The following AGXT2 variants were observed in gnomAD, a reference collection of about 807,000 sequenced individuals.
AGXT2 encodes alanine--glyoxylate aminotransferase 2, mitochondrial.
Under a neutral mutation model 62.5 loss-of-function variants are expected in AGXT2, and 61 were observed. The ratio of observed to expected loss-of-function variants is 0.98; its 90% CI spans 0.79 to 1.21. The LOEUF (loss-of-function observed/expected upper bound fraction) is 1.21, where lower values mean the gene tolerates loss of function less well. AGXT2 is among the 50% of genes most tolerant of loss of function. AGXT2 has a pLI of 0.00. For synonymous variants in AGXT2, 243 were observed against 218.7 expected (o/e 1.11, Z -0.98); for missense variants, 666 against 641.5 (o/e 1.04, Z -0.41).
In AGXT2 at chr5:35,035,305, C is replaced by A. The variant is rs938527231; in HGVS notation, c.498G>T (p.Leu166Phe). The A allele has an allele frequency of 2.5e-6, 4 of 1,613,682 alleles. No homozygotes were observed. Among genetic ancestry groups the A allele is most frequent in the South Asian group, 1.1e-5 (1 of 91,070 alleles). Residue 166 changes from leucine (L) to phenylalanine (F), a missense_variant, in exon 5 of 14, where the codon TTG becomes TTT. Leu to Phe is a conservative substitution (Grantham distance 22). Coordinates refer to ENST00000231420, the MANE Select transcript of AGXT2 (RefSeq NM_031900.4). ...LLPEPLKVIF[L>F]VNSGSEANEL... The stretch of plus-strand genomic sequence containing the variant: ...CATTGGCTTCTGAGCCACTGTTCAC[C>A]AAGAAAATGACCTGGAGAGGAAAGG...
chr5:35,042,868 T>C (rs1283017701), intron 1 of AGXT2, among the ~76,000 whole-genome samples: 1 of 152,156 alleles, frequency 6.6e-6, no homozygotes, highest in African/African-American at 2.4e-5. Context: ...TTTTGTTTTG[T>C]CTTATTGTTT....
chr5:35,003,745 A>G lies in AGXT2; in HGVS notation c.1437+18T>C. The G allele has an allele frequency of 6.2e-7, 1 of 1,608,100 alleles. No homozygotes were observed. Among genetic ancestry groups the G allele is most frequent in the South Asian group, 1.1e-5 (1 of 90,946 alleles). ...ACTCCTACCTAGAGCGATAGGTAAAAACCAGTCTTTCTCTTACCTGAGAAA... is the reference window on the plus strand; with the variant it reads ...ACTCCTACCTAGAGCGATAGGTAAAGACCAGTCTTTCTCTTACCTGAGAAA... On this transcript the variant is annotated intron_variant, in intron 13 of 13. Transcript: ENST00000231420.
In AGXT2 at chr5:35,013,986, C is replaced by A. The variant is rs765566655; in HGVS notation, c.1096+1G>T. Reference sequence around the variant, plus strand: ...AAACACAAACTGCCTGTGGGTCCTACCTGGAGTGGTTATGACTGCTGCCAT... The same window carrying A: ...AAACACAAACTGCCTGTGGGTCCTAACTGGAGTGGTTATGACTGCTGCCAT... On this transcript the variant is annotated splice_donor_variant, in intron 10 of 13. Coordinates refer to ENST00000231420, the MANE Select transcript of AGXT2 (RefSeq NM_031900.4). LOFTEE classifies it high-confidence loss of function. 6.2e-7 allele frequency: 1 copy of A among 1,613,860 alleles called. No individual in the cohort carries two copies. Among genetic ancestry groups the A allele is most frequent in the African/African-American group, 1.3e-5 (1 of 74,886 alleles).
intron 13 of AGXT2, among the ~76,000 whole-genome samples, chr5:34,999,869 C>T (rs1242014762): frequency 1.3e-5 from 2 of 152,104 alleles, no homozygotes; most frequent in Non-Finnish European, 2.9e-5. Context: ...TGCCCTTGAC[C>T]CTGGATTCTC....
intron 7 of AGXT2, 34 bp downstream of exon 7, chr5:35,032,698 A>G (rs761231113): frequency 1.3e-4 from 209 of 1,553,082 alleles, no homozygotes; most frequent in Non-Finnish European, 1.7e-4. Context: ...CCAACTTCCA[A>G]CACTCCACTG....
rs752552443 is a variant in AGXT2, at chr5:35,040,653, G to C, written c.99C>G (p.Ser33=). Residue 33 remains serine (S), a synonymous_variant, in exon 2 of 14, where the codon TCC becomes TCG. Transcript: ENST00000231420. ...EMHPFLSLGT[S]RTSVTKLSLH... Reference sequence around the variant, plus strand: ...GACTGAGCTTGGTTACTGATGTCCGGGAAGTACCTACTGAAAGTGAAGTGA... The same window carrying C: ...GACTGAGCTTGGTTACTGATGTCCGCGAAGTACCTACTGAAAGTGAAGTGA... 15 of 1,613,524 alleles carry C rather than the reference G, an allele frequency of 9.3e-6. No homozygotes were observed. Among genetic ancestry groups the C allele is most frequent in the African/African-American group, 1.3e-5 (1 of 74,874 alleles).
At chr5:35,030,752 C>T (rs1393948029) in intron 7 of AGXT2, among the ~76,000 whole-genome samples, 3 of 152,148 alleles carry the variant, frequency 2.0e-5, no homozygotes, top group Non-Finnish European at 2.9e-5. Context: ...GAAATGACCA[C>T]CTTTTAGTGC....
At chr5:35,045,249 C>T (rs527387040) in intron 1 of AGXT2, among the ~76,000 whole-genome samples, 2 of 152,238 alleles carry the variant, frequency 1.3e-5, no homozygotes, top group South Asian at 4.2e-4. Context: ...TATGTAGATA[C>T]TATACAAGAA....
intron 7 of AGXT2, among the ~76,000 whole-genome samples, chr5:35,028,610 AGAGAGAGAG>A (rs1767454844): frequency 1.7e-5 from 1 of 59,556 alleles, no homozygotes; most frequent in South Asian, 4.9e-4. Context: ...AGAGAGAGAG[AGAGAGAGAG>A]AAATTCTTCT....
At chr5:35,026,213 G>A (rs1002453362) in intron 8 of AGXT2, 197 bp downstream of exon 8, 3 of 627,450 alleles carry the variant, frequency 4.8e-6, no homozygotes, top group Non-Finnish European at 5.6e-6. Context: ...TCATCTGTCT[G>A]GTGAGAATGG....
intron 3 of AGXT2, among the ~76,000 whole-genome samples, chr5:35,038,183 T>C (rs1274900788): frequency 6.6e-6 from 1 of 152,204 alleles, no homozygotes; most frequent in African/African-American, 2.4e-5. Context: ...CCACGGAAAC[T>C]CCTGTGATCA....
intron 10 of AGXT2, among the ~76,000 whole-genome samples, 184 bp from the exon 11 acceptor site, chr5:35,013,229 C>A (rs965400889): frequency 1.3e-5 from 2 of 152,172 alleles, no homozygotes. Context: ...ATGGCTGAAG[C>A]CTTAACCCTG....
At chr5:35,013,159 C>A in intron 10 of AGXT2, 114 bp from the exon 11 acceptor site, 1 of 909,848 alleles carries the variant, frequency 1.1e-6, no homozygotes, top group Non-Finnish European at 1.8e-6. Flanking sequence ...CAATCCAATT[C>A]ATCCTTCATT....
At chr5:35,030,799 T>G (rs973676511) in intron 7 of AGXT2, among the ~76,000 whole-genome samples, 11 of 152,230 alleles carry the variant, frequency 7.2e-5, no homozygotes, top group African/African-American at 2.7e-4. Flanking sequence ...GGTTTTGCAG[T>G]CAGACCAGGG....
At chr5:35,041,711 A>G (rs1032649583) in intron 1 of AGXT2, among the ~76,000 whole-genome samples, 8 of 152,256 alleles carry the variant, frequency 5.3e-5, no homozygotes, top group African/African-American at 1.4e-4. Flanking sequence ...GTTTGAATGC[A>G]TGAAAGAAGT....
intron 9 of AGXT2, among the ~76,000 whole-genome samples, chr5:35,024,616 G>A (rs1205694521): frequency 2.0e-5 from 3 of 152,184 alleles, no homozygotes; most frequent in African/African-American, 7.2e-5. Flanking sequence ...TTCAAATGCA[G>A]TACCTGCAGT....
intron 1 of AGXT2, among the ~76,000 whole-genome samples, chr5:35,042,973 T>C (rs895321246): frequency 6.6e-6 from 1 of 152,206 alleles, no homozygotes; most frequent in African/African-American, 2.4e-5. Flanking sequence ...CATGAGCAAC[T>C]TGAGACATTG....
At chr5:35,004,960 C>G (rs1766368560) in intron 12 of AGXT2, among the ~76,000 whole-genome samples, 1 of 152,144 alleles carries the variant, frequency 6.6e-6, no homozygotes, top group South Asian at 2.1e-4. Context: ...TGTCTTAAAG[C>G]CTTAACATAA....
At chr5:35,022,501 C>T (rs1767146858) in intron 9 of AGXT2, among the ~76,000 whole-genome samples, 1 of 144,468 alleles carries the variant, frequency 6.9e-6, no homozygotes, top group Admixed American at 7.3e-5. Context: ...CATATTCTCA[C>T]TCATAGGTGG....
Sources: allele counts gnomAD v4.1 joint callset (sites outside exome capture counted in the v4.1 genomes callset), GRCh38; gene constraint gnomAD v4.1.1; transcripts MANE v1.5; gene names NCBI Gene and HGNC (gene_info 2026-07-23, HGNC 2026-07-21).